Variants in SLC24A2 observed in about 807,000 individuals in gnomAD.
SLC24A2 encodes the protein sodium/potassium/calcium exchanger 2.
A neutral mutation model predicts 62.0 loss-of-function variants in SLC24A2; 36 were observed. That is an observed-to-expected ratio of 0.58 (90% confidence interval 0.44 to 0.77). SLC24A2 has a LOEUF of 0.77. Ranked by LOEUF, SLC24A2 falls within the 30% of genes least tolerant of loss-of-function variation. The pLI is 0.00. For missense variants in SLC24A2, 846 were observed against 817.9 expected (o/e 1.03, Z -0.42); for synonymous variants, 358 against 294.0 (o/e 1.22, Z -2.23).
chr9:19,580,785 T>A (rs1836181057), intron 5 of SLC24A2, among the ~76,000 whole-genome samples: 1 of 152,190 alleles, frequency 6.6e-6, no homozygotes. Context: ...TGTGCTTTAG[T>A]TTTCCCATCT....
the SLC24A2 span, among the ~76,000 whole-genome samples, chr9:20,029,628 G>C: frequency 5.9e-5 from 9 of 152,244 alleles, no homozygotes; most frequent in Admixed American, 5.2e-4. Context: ...TGAAATGTCA[G>C]GCAGTTTTTG....
At chr9:20,233,661 G>A in the SLC24A2 span, among the ~76,000 whole-genome samples, 10 of 152,132 alleles carry the variant, frequency 6.6e-5, no homozygotes, top group East Asian at 1.9e-4. Context: ...GTACACTGAC[G>A]GGTCTTGAAT....
chr9:20,046,381 A>C, the SLC24A2 span, among the ~76,000 whole-genome samples: 1 of 152,368 alleles, frequency 6.6e-6, no homozygotes, highest in African/African-American at 2.4e-5. Flanking sequence ...CAGAGTAAGG[A>C]AGCACTTAGG....
chr9:19,947,808 A>AAAAGAAAGAAAGAAAG, the SLC24A2 span, among the ~76,000 whole-genome samples: 1,931 of 59,134 alleles, frequency 0.033, 78 homozygotes, highest in Middle Eastern at 0.048. Flanking sequence ...AAAAAAAAAA[A>AAAAGAAAGAAAGAAAG]AAAGAAAGAA....
chr9:20,060,165 A>T, the SLC24A2 span, among the ~76,000 whole-genome samples: 5 of 152,236 alleles, frequency 3.3e-5, no homozygotes, highest in African/African-American at 1.2e-4. Context: ...AATAAAAAAA[A>T]ATCCACTTAA....
the SLC24A2 span, among the ~76,000 whole-genome samples, chr9:19,825,616 G>A: frequency 6.6e-6 from 1 of 152,038 alleles, no homozygotes; most frequent in Admixed American, 6.6e-5. Flanking sequence ...AATTCAATGG[G>A]GACTCATTCA....
At chr9:20,160,885 A>C in the SLC24A2 span, among the ~76,000 whole-genome samples, 5 of 151,108 alleles carry the variant, frequency 3.3e-5, no homozygotes, top group Non-Finnish European at 7.4e-5. Context: ...AACACAAAAA[A>C]GATCAGAGCA....
intron 9 of SLC24A2, among the ~76,000 whole-genome samples, chr9:19,522,189 T>C (rs1833236920): frequency 6.6e-6 from 1 of 152,008 alleles, no homozygotes. Context: ...TTTTTAGAGA[T>C]GGTTCTTACT....
chr9:20,108,152 C>T, the SLC24A2 span, among the ~76,000 whole-genome samples: 1 of 152,150 alleles, frequency 6.6e-6, no homozygotes, highest in South Asian at 2.1e-4. Context: ...AATGAGATAC[C>T]ATCTCACACC....
chr9:20,294,106 T>C, the SLC24A2 span, among the ~76,000 whole-genome samples: 2 of 152,134 alleles, frequency 1.3e-5, no homozygotes, highest in Non-Finnish European at 2.9e-5. Flanking sequence ...TTCCTGGACT[T>C]TGAAGCACCA....
intron 2 of SLC24A2, among the ~76,000 whole-genome samples, chr9:19,634,049 T>C (rs1490735737): frequency 6.6e-6 from 1 of 152,162 alleles, no homozygotes; most frequent in Non-Finnish European, 1.5e-5. Context: ...TCTATTTTTT[T>C]CCTAGATGTT....
the SLC24A2 span, among the ~76,000 whole-genome samples, chr9:20,014,517 T>TATACAC: frequency 2.4e-3 from 360 of 148,460 alleles, 1 homozygote; most frequent in African/African-American, 8.6e-3. Flanking sequence ...TATATATATA[T>TATACAC]ACACACACAC....
the SLC24A2 span, among the ~76,000 whole-genome samples, chr9:19,914,699 T>C: frequency 2.6e-5 from 4 of 152,020 alleles, no homozygotes; most frequent in Non-Finnish European, 5.9e-5. Context: ...GACCTTGCCT[T>C]GTTGTTAACA....
chr9:19,548,449 CCCTAGATGTTT>C (rs1191197749), intron 8 of SLC24A2, among the ~76,000 whole-genome samples: 2 of 152,118 alleles, frequency 1.3e-5, no homozygotes, highest in Non-Finnish European at 2.9e-5. Flanking sequence ...CATATTCCTA[CCCTAGATGTTT>C]CCTGAAATTA....
At chr9:20,226,376 G>A in the SLC24A2 span, among the ~76,000 whole-genome samples, 1 of 152,124 alleles carries the variant, frequency 6.6e-6, no homozygotes, top group Non-Finnish European at 1.5e-5. Flanking sequence ...TTGTGGCCAT[G>A]TACGTATAAA....
chr9:20,123,628 G>A, the SLC24A2 span, among the ~76,000 whole-genome samples: 8 of 152,178 alleles, frequency 5.3e-5, no homozygotes, highest in Middle Eastern at 3.4e-3. Context: ...AAAAAATAAC[G>A]TCTGCCTCAT....
chr9:19,789,173 G>A (rs1823271712), upstream of SLC24A2, among the ~76,000 whole-genome samples: 1 of 152,250 alleles, frequency 6.6e-6, no homozygotes, highest in Non-Finnish European at 1.5e-5. Context: ...CACGCCTCCT[G>A]GGCGCAGAGG....
chr9:20,259,068 G>C, the SLC24A2 span, among the ~76,000 whole-genome samples: 1 of 152,132 alleles, frequency 6.6e-6, no homozygotes, highest in Non-Finnish European at 1.5e-5. Flanking sequence ...AGAATAGTAA[G>C]AGAGATGCAA....
intron 2 of SLC24A2, among the ~76,000 whole-genome samples, chr9:19,753,044 A>C (rs938134140): frequency 6.6e-6 from 1 of 152,340 alleles, no homozygotes; most frequent in South Asian, 2.1e-4. Context: ...CTGATCCCTC[A>C]GGTGCCAGGA....
Sources: gnomAD v4.1 joint callset for allele counts (sites outside exome capture counted in the v4.1 genomes callset) on GRCh38, gnomAD v4.1.1 for gene constraint, MANE v1.5 for transcripts, NCBI Gene and HGNC (gene_info 2026-07-23, HGNC 2026-07-21) for gene names.